The following GEMIN2 variants were observed in gnomAD, a reference collection of about 807,000 sequenced individuals.
The protein encoded by GEMIN2 is gem nuclear organelle associated protein 2, also known as gem-associated protein 2.
A neutral mutation model predicts 45.8 loss-of-function variants in GEMIN2; 37 were observed. The ratio of observed to expected loss-of-function variants is 0.81; its 90% CI spans 0.62 to 1.06. The LOEUF (loss-of-function observed/expected upper bound fraction) is 1.06. Ranked by LOEUF, GEMIN2 falls within the 50% of genes least tolerant of loss-of-function variation. GEMIN2 has a pLI of 0.00. For missense variants in GEMIN2, 335 were observed against 321.8 expected (o/e 1.04, Z -0.31); for synonymous variants, 101 against 111.5 (o/e 0.91, Z 0.60).
intron 6 of GEMIN2, among the ~76,000 whole-genome samples, chr14:39,127,379 G>T: frequency 9.5e-6 from 1 of 105,702 alleles, no homozygotes; most frequent in African/African-American, 3.7e-5. Context: ...GTCTCACTCT[G>T]TTGCCCAGGC....
In GEMIN2 at chr14:39,122,540, A is replaced by G. The variant is rs779820696; in HGVS notation, c.483A>G (p.Val161=). Residue 161 remains valine (V), a synonymous_variant, in exon 5 of 10, where the codon GTA becomes GTG. Transcript: ENST00000308317. ...ATNESPGIDY[V]QIGFPPLLSI... Reference sequence around the variant, plus strand: ...ATGAAAGTCCTGGAATAGATTATGTACAAGTAAGGGCTGTGTGGATAAACA... The same window carrying G: ...ATGAAAGTCCTGGAATAGATTATGTGCAAGTAAGGGCTGTGTGGATAAACA... 1 of 1,459,196 alleles carries G rather than the reference A, an allele frequency of 6.9e-7. No homozygotes were observed. The highest frequency in any genetic ancestry group is 9.6e-7 in the Non-Finnish European group (1 of 1,042,152). 90.4% of individuals were successfully genotyped at this position (1,459,196 alleles called of 1,614,324 possible). A position where few individuals can be genotyped will look rare whatever the true frequency, so the allele number is the denominator to read the frequency against.
intron 5 of GEMIN2, among the ~76,000 whole-genome samples, chr14:39,124,235 C>CT (rs2052612657): frequency 6.6e-6 from 1 of 152,046 alleles, no homozygotes; most frequent in African/African-American, 2.4e-5. Flanking sequence ...CCAAAGTAGA[C>CT]TTTTAAAAAT....
rs1162485883 is a variant in GEMIN2 at position 39,123,708 on chromosome 14, A to ATTTTTT, written c.486+1190_486+1195dup. 1.9e-4 allele frequency among the ~76,000 whole-genome samples: 7 copies of ATTTTTT among 37,688 alleles called. 1 individual carries two copies. The highest frequency in any genetic ancestry group is 5.2e-4 in the African/African-American group (4 of 7,676). The allele number at this position is 37,688 out of a possible 152,430, so 24.7% of individuals were successfully genotyped here. On this transcript the variant is annotated intron_variant, in intron 5 of 9. Coordinates refer to ENST00000308317, the MANE Select transcript of GEMIN2 (RefSeq NM_003616.3). ...TAGCTATATATATATATATATATAT[A>ATTTTTT]TTTTTTTTTTTTTTTTTTTTTTTTT...
In GEMIN2 at chr14:39,125,043, T is replaced by A; in HGVS notation, c.531+7T>A. 2.3e-6 allele frequency: 3 copies of A among 1,320,276 alleles called. No individual in the cohort carries two copies. The highest frequency in any genetic ancestry group is 1.1e-6 in the Non-Finnish European group (1 of 915,840). 81.8% of individuals were successfully genotyped at this position (1,320,276 alleles called of 1,614,324 possible). ...TGTTAGCAGAATGAATCAGGTAAAA[T>A]TAATAATAGAGATATATGCATTCTT... On this transcript the variant is annotated splice_region_variant and intron_variant, in intron 6 of 9. Transcript: ENST00000308317.
chr14:39,136,496 G>A lies in GEMIN2; in HGVS notation c.*17G>A, dbSNP rs1555334912. The stretch of plus-strand genomic sequence containing the variant: ...CCATCTTGATGTAGCTGATCTCTCA[G>A]GGATAGAAGATATTTCTCATGAAGG... On this transcript the variant is annotated 3_prime_UTR_variant, in exon 10 of 10. Coordinates refer to ENST00000308317, the MANE Select transcript of GEMIN2 (RefSeq NM_003616.3). 6.3e-7 allele frequency: 1 copy of A among 1,594,134 alleles called. No individual in the cohort carries two copies. The highest frequency in any genetic ancestry group is 8.6e-7 in the Non-Finnish European group (1 of 1,163,404).
chr14:39,134,707 C>CT (rs1468974273), intron 9 of GEMIN2, among the ~76,000 whole-genome samples: 1 of 152,090 alleles, frequency 6.6e-6, no homozygotes, highest in Non-Finnish European at 1.5e-5. Context: ...AAGGTGGGTA[C>CT]TGTTAACAGT....
intron 2 of GEMIN2, among the ~76,000 whole-genome samples, chr14:39,116,389 C>G (rs2052506496): frequency 6.7e-6 from 1 of 150,202 alleles, no homozygotes; most frequent in Admixed American, 6.7e-5. Flanking sequence ...AGGAGGGTGG[C>G]ATTTTATTTT....
chr14:39,129,942 T>G (rs1378282487), intron 7 of GEMIN2, among the ~76,000 whole-genome samples: 2 of 132,814 alleles, frequency 1.5e-5, no homozygotes, highest in African/African-American at 3.1e-5. Context: ...TTGTTTTTTT[T>G]TTTTTTTTTT....
chr14:39,123,756 C>T (rs1344894438), intron 5 of GEMIN2, among the ~76,000 whole-genome samples: 4 of 100,462 alleles, frequency 4.0e-5, no homozygotes, highest in East Asian at 3.0e-4. Context: ...GGTCTTCTTC[C>T]GTCATCCAGG....
chr14:39,116,659 C>T lies in GEMIN2; in HGVS notation c.223-1340C>T, dbSNP rs535574840. On this transcript the variant is annotated intron_variant, in intron 2 of 9. Coordinates refer to ENST00000308317, the MANE Select transcript of GEMIN2 (RefSeq NM_003616.3). Reference sequence around the variant, plus strand: ...TGTAATCAGGAAATTTTAATTCAGACACTGTAATTTTTCCTATAATTCCTC... The same window carrying T: ...TGTAATCAGGAAATTTTAATTCAGATACTGTAATTTTTCCTATAATTCCTC... Among the ~76,000 whole-genome samples the T allele has an allele frequency of 1.1e-4, 17 of 152,288 alleles. No individual in the cohort carries two copies. The South Asian group carries it at 3.3e-3, about 30-fold the overall frequency.
At chr14:39,132,620 C>G (rs2052731734) in intron 8 of GEMIN2, among the ~76,000 whole-genome samples, 1 of 149,980 alleles carries the variant, frequency 6.7e-6, no homozygotes, top group African/African-American at 2.5e-5. Context: ...GGCTTTCATC[C>G]TCATGCTCAT....
At chr14:39,127,091 T>C (rs28739532) in intron 6 of GEMIN2, among the ~76,000 whole-genome samples, 18,939 of 78,552 alleles carry the variant, frequency 0.24, 1,275 homozygotes, top group Middle Eastern at 0.36. Context: ...CAAATACATC[T>C]TTTTTTTTTT....
chr14:39,127,336 GTTTTTTTTTT>G (rs760931815), intron 6 of GEMIN2, among the ~76,000 whole-genome samples: 1 of 56,044 alleles, frequency 1.8e-5, no homozygotes, highest in East Asian at 6.4e-4. Context: ...GTGTGCCATT[GTTTTTTTTTT>G]TTTTTTTTTT....
At position 39,118,092 on chromosome 14, in the gene GEMIN2, A is replaced by T. The variant is rs1026309207; in HGVS notation, c.312+4A>T. 1 of 1,506,156 alleles carries T rather than the reference A, an allele frequency of 6.6e-7. No individual in the cohort carries two copies. Among genetic ancestry groups the T allele is most frequent in the Non-Finnish European group, 9.2e-7 (1 of 1,086,684 alleles). 93.3% of individuals were successfully genotyped at this position (1,506,156 alleles called of 1,614,324 possible). A position where few individuals can be genotyped will look rare whatever the true frequency, so the allele number is the denominator to read the frequency against. Reference sequence around the variant, plus strand: ...ACAGTTTTCAACTGTTCGACAGGTAAGTGTCATATTTAATCTAATTAAGCC... The same window carrying T: ...ACAGTTTTCAACTGTTCGACAGGTATGTGTCATATTTAATCTAATTAAGCC... On this transcript the variant is annotated splice_donor_region_variant and intron_variant, in intron 3 of 9. Coordinates refer to ENST00000308317, the MANE Select transcript of GEMIN2 (RefSeq NM_003616.3).
intron 8 of GEMIN2, among the ~76,000 whole-genome samples, chr14:39,132,441 G>C (rs2052729398): frequency 6.6e-6 from 1 of 152,054 alleles, no homozygotes; most frequent in Admixed American, 6.6e-5. Flanking sequence ...TGAGGCAGGA[G>C]AATCGTTCGA....
At position 39,133,714 on chromosome 14, in the gene GEMIN2, T is replaced by G. The variant is rs183934005; in HGVS notation, c.765T>G (p.Val255=). The change falls in exon 9 of 10, where the codon GTT becomes GTG. Residue 255 remains valine (V), a synonymous_variant. Coordinates refer to ENST00000308317, the MANE Select transcript of GEMIN2 (RefSeq NM_003616.3). ...CTTTGAATTTATTAATCTGCTTGGT[T>G]AGCAGGTATAGTTAATCCTTGGCTT... The part of the protein sequence containing the change: ...VPALNLLICL[V]SRYFDQRDLA... 1 of 1,505,000 alleles carries G rather than the reference T, an allele frequency of 6.6e-7. No homozygotes were observed. The highest frequency in any genetic ancestry group is 1.8e-5 in the Admixed American group (1 of 54,264). 93.2% of individuals were successfully genotyped at this position (1,505,000 alleles called of 1,614,324 possible).
rs763055795 is a variant in GEMIN2 at position 39,122,401 on chromosome 14, A to G, written c.373-29A>G. The G allele has an allele frequency of 5.3e-6, 6 of 1,122,022 alleles. No homozygotes were observed. In the South Asian group the frequency reaches 7.9e-5, roughly 15 times the overall value. 69.5% of individuals were successfully genotyped at this position (1,122,022 alleles called of 1,614,324 possible). ...TCAGTGTAAAAATTAATACACAGGA[A>G]TAAATCAGTTTTTTTTTTTTTCTTT... On this transcript the variant is annotated intron_variant, in intron 4 of 9. Coordinates refer to ENST00000308317, the MANE Select transcript of GEMIN2 (RefSeq NM_003616.3).
intron 6 of GEMIN2, among the ~76,000 whole-genome samples, chr14:39,125,516 G>A (rs767622212): frequency 1.3e-5 from 2 of 151,934 alleles, no homozygotes; most frequent in Non-Finnish European, 2.9e-5. Flanking sequence ...TGTTGGCCAC[G>A]TTGGTCTCGA....
chr14:39,126,088 G>T (rs780543675), intron 6 of GEMIN2, among the ~76,000 whole-genome samples: 1 of 151,572 alleles, frequency 6.6e-6, no homozygotes, highest in Non-Finnish European at 1.5e-5. Context: ...ATGGAGTTTG[G>T]TTCTTCAGTT....
Sources: gnomAD v4.1 joint callset for allele counts (sites outside exome capture counted in the v4.1 genomes callset) on GRCh38, gnomAD v4.1.1 for gene constraint, MANE v1.5 for transcripts, NCBI Gene and HGNC (gene_info 2026-07-23, HGNC 2026-07-21) for gene names.